Variants in IFT172 observed in about 807,000 individuals in gnomAD.
The protein encoded by IFT172 is intraflagellar transport protein 172 homolog.
In IFT172, 164 loss-of-function variants were observed where a neutral mutation model predicts 248.9. That is an observed-to-expected ratio of 0.66 (90% confidence interval 0.58 to 0.75). The LOEUF (loss-of-function observed/expected upper bound fraction) is 0.75. Among genes scored for constraint, IFT172 ranks in the 30% least tolerant of loss-of-function variants. The pLI, the probability that IFT172 is intolerant of heterozygous loss-of-function variation, is 0.00. For synonymous variants in IFT172, 729 were observed against 791.6 expected (o/e 0.92, Z 1.33); for missense variants, 1,950 against 2,192.4 (o/e 0.89, Z 2.21).
chr2:27,481,622 C>T (rs1668382311), intron 7 of IFT172, among the ~76,000 whole-genome samples: 2 of 151,742 alleles, frequency 1.3e-5, no homozygotes, highest in South Asian at 4.2e-4. Context: ...TCGCTGCAAC[C>T]TCCGCCTCCC....
Position 27,461,324 on chromosome 2 carries a change from G to T in IFT172, c.2387C>A (p.Thr796Lys). 6.2e-7 allele frequency: 1 copy of T among 1,614,168 alleles called. No individual in the cohort carries two copies. The highest frequency in any genetic ancestry group is 8.5e-7 in the Non-Finnish European group (1 of 1,180,024). ...TGCAGTGATGTGTTCTACCAGCTCT[G>T]TGTTGGCTAGCAGTTCCTCTCGGGT... is the stretch of plus-strand genomic sequence containing the variant. ...VLTREELLAN[T>K]ELVEHITAAL... The change falls in exon 22 of 48, where the codon ACA becomes AAA. Residue 796 changes from threonine (T) to lysine (K), a missense_variant. Coordinates refer to ENST00000260570, the MANE Select transcript of IFT172 (RefSeq NM_015662.3).
rs1195819333 is a variant in IFT172 at position 27,477,744 on chromosome 2, G to A, written c.1168-132C>T. On this transcript the variant is annotated intron_variant, in intron 11 of 47. Transcript: ENST00000260570. Reference sequence around the variant, plus strand: ...TTTGGCACTACACAAAAGAGGTGCTGTATCAGAATCTGCTCTGGTCCCTGA... The same window carrying A: ...TTTGGCACTACACAAAAGAGGTGCTATATCAGAATCTGCTCTGGTCCCTGA... 7.5e-6 allele frequency: 6 copies of A among 796,346 alleles called. No homozygotes were observed. In the East Asian group the frequency reaches 1.5e-4, roughly 20 times the overall value. The allele number at this position is 796,346 out of a possible 1,614,324, so 49.3% of individuals were successfully genotyped here. A position where few individuals can be genotyped will look rare whatever the true frequency, so the allele number is the denominator to read the frequency against.
In IFT172 at chr2:27,476,668, G is replaced by T; in HGVS notation, c.1384C>A (p.Leu462Ile). The T allele has an allele frequency of 6.2e-7, 1 of 1,605,938 alleles. No individual in the cohort carries two copies. The highest frequency in any genetic ancestry group is 8.5e-7 in the Non-Finnish European group (1 of 1,172,720). Reference sequence around the variant, plus strand: ...ATAGCAATAGTCTTAATATCAATAAGATAAGCCAATTTCTTATTATCTTCT... The same window carrying T: ...ATAGCAATAGTCTTAATATCAATAATATAAGCCAATTTCTTATTATCTTCT... The part of the protein sequence containing the change: ...GTEDNKKLAY[L>I]IDIKTIAIVD... The change falls in exon 14 of 48, where the codon CTT becomes ATT. Residue 462 changes from leucine (L) to isoleucine (I), a missense_variant. Physicochemically the swap from Leu to Ile is conservative, Grantham distance 5. Transcript: ENST00000260570.
At chr2:27,449,867 C>T in intron 36 of IFT172, 67 bp from the exon 37 acceptor site, 1 of 1,444,204 alleles carries the variant, frequency 6.9e-7, no homozygotes, top group Non-Finnish European at 9.6e-7. Flanking sequence ...TGAGCTCTCC[C>T]ATCTGTTTCC....
intron 16 of IFT172, among the ~76,000 whole-genome samples, chr2:27,467,613 CAAAAAAAA>C (rs758559563): frequency 1.9e-5 from 1 of 53,134 alleles, no homozygotes; most frequent in African/African-American, 7.8e-5. Context: ...ACCCTGTCTC[CAAAAAAAA>C]AAAAAAAAAA....
chr2:27,458,185 C>T lies in IFT172; in HGVS notation c.2916G>A (p.Val972=). ...TTTCCTGGGCCTGAGTGATGTATAGCACTGACACATCTTCTGGTCTCATGC... is the reference window on the plus strand; with the variant it reads ...TTTCCTGGGCCTGAGTGATGTATAGTACTGACACATCTTCTGGTCTCATGC... ...MKCMRPEDVS[V]LYITQAQEME... The change falls in exon 27 of 48, where the codon GTG becomes GTA. Residue 972 remains valine (V), a synonymous_variant. Transcript: ENST00000260570. 1 of 1,614,190 alleles carries T rather than the reference C, an allele frequency of 6.2e-7. No individual in the cohort carries two copies. The highest frequency in any genetic ancestry group is 8.5e-7 in the Non-Finnish European group (1 of 1,180,008).
chr2:27,445,181 G>T lies in IFT172; in HGVS notation c.5069-76C>A. ...GGAAAAATGAGGAGCAGCCTGGGGGGTAGAAAGCACAGTCCTGTCTTTTGT... is the reference window on the plus strand; with the variant it reads ...GGAAAAATGAGGAGCAGCCTGGGGGTTAGAAAGCACAGTCCTGTCTTTTGT... On this transcript the variant is annotated intron_variant, in intron 46 of 47. Coordinates refer to ENST00000260570, the MANE Select transcript of IFT172 (RefSeq NM_015662.3). This position sits in a 1 kb window ranked among gnomAD's most constrained non-coding sequence, Gnocchi z 4.4. The T allele has an allele frequency of 3.1e-6, 5 of 1,597,110 alleles. No homozygotes were observed. The highest frequency in any genetic ancestry group is 4.3e-6 in the Non-Finnish European group (5 of 1,169,574).
chr2:27,477,304 T>C lies in IFT172; in HGVS notation c.1238A>G (p.Asn413Ser), dbSNP rs962054597. 9.3e-6 allele frequency: 15 copies of C among 1,614,144 alleles called. No individual in the cohort carries two copies. Among genetic ancestry groups the C allele is most frequent in the East Asian group, 4.5e-5 (2 of 44,886 alleles). Residue 413 changes from asparagine to serine, a missense_variant, in exon 13 of 48, where the codon AAT becomes AGT. Transcript: ENST00000260570. ...FENENVCMIF[N>S]AGELTLVEYG... ...TTCCACCAGGGTTAGCTCTCCGGCATTGAAGATCATGCATACCTGGGAAAA... is the reference window on the plus strand; with the variant it reads ...TTCCACCAGGGTTAGCTCTCCGGCACTGAAGATCATGCATACCTGGGAAAA...
At position 27,465,857 on chromosome 2, in the gene IFT172, C is replaced by T. The variant is rs140967266; in HGVS notation, c.1718G>A (p.Gly573Asp). 15 of 1,613,996 alleles carry T rather than the reference C, an allele frequency of 9.3e-6. No individual in the cohort carries two copies. In the African/African-American group the frequency reaches 1.9e-4, roughly 20 times the overall value. ...CACCATCACCTCGGTCTTTCCCCCG[C>T]CCCGCTCCAGACCTATAACATCACC... is the stretch of plus-strand genomic sequence containing the variant. ...IRGDVIGLER[G>D]GGKTEVMVME... Residue 573 changes from glycine to aspartate, a missense_variant, in exon 17 of 48, where the codon GGC becomes GAC. Gly to Asp is a moderately conservative substitution (Grantham distance 94, BLOSUM62 -1). This residue lies in a region of IFT172 where 1,166 missense variants were observed against 1,254.1 expected (regional missense o/e 0.93). Transcript: ENST00000260570.
chr2:27,480,669 A>G (rs1668294154), intron 8 of IFT172, among the ~76,000 whole-genome samples: 1 of 152,198 alleles, frequency 6.6e-6, no homozygotes, highest in African/African-American at 2.4e-5. Context: ...CACTGAAAAG[A>G]TGAATAATAA....
rs1668210625 is a variant in IFT172 at position 27,479,590 on chromosome 2, A to C, written c.924T>G (p.Gly308=). The C allele has an allele frequency of 6.2e-7, 1 of 1,610,800 alleles. No homozygotes were observed. The highest frequency in any genetic ancestry group is 8.5e-7 in the Non-Finnish European group (1 of 1,177,026). The change falls in exon 10 of 48, where the codon GGT becomes GGG. Residue 308 remains glycine, a synonymous_variant. Transcript: ENST00000260570. ...GSRLCVGTLC[G]GVEQFDCCLR... ...GGCAGCAGTCAAACTGTTCCACCCC[A>C]CCACATAGTGTGCCCTAGAAGGGAA...
At chr2:27,478,817 T>TGGGCCCA (rs1191410353) in intron 10 of IFT172, among the ~76,000 whole-genome samples, 6 of 152,048 alleles carry the variant, frequency 3.9e-5, no homozygotes, top group African/African-American at 1.2e-4. Context: ...AAGAGAAAAG[T>TGGGCCCA]GGGCCCAGGA....
chr2:27,480,131 C>A lies in IFT172; in HGVS notation c.804G>T (p.Trp268Cys). 6.2e-7 allele frequency: 1 copy of A among 1,613,860 alleles called. No individual in the cohort carries two copies. The highest frequency in any genetic ancestry group is 8.5e-7 in the Non-Finnish European group (1 of 1,179,890). ...CTTCCCAGATGCTTCTTCGAGGGAT[C>A]CAGTTGAACACCCGAAGCCTGAAAT... is the stretch of plus-strand genomic sequence containing the variant. ...GSYDRLRVFN[W>C]IPRRSIWEEA... Residue 268 changes from tryptophan (W) to cysteine (C), a missense_variant, in exon 9 of 48, where the codon TGG becomes TGT. Physicochemically the swap from Trp to Cys is radical, Grantham distance 215. Around this residue, in one of 3 missense-constraint regions of IFT172, gnomAD observed 1,166 missense variants for 1,254.1 expected, o/e 0.93. Coordinates refer to ENST00000260570, the MANE Select transcript of IFT172 (RefSeq NM_015662.3).
intron 43 of IFT172, 125 bp downstream of exon 43, chr2:27,446,135 G>A (rs1323057424): frequency 1.5e-6 from 2 of 1,312,756 alleles, no homozygotes; most frequent in Non-Finnish European, 2.2e-6. Flanking sequence ...GAAGACATAG[G>A]AGGACTACAT....
chr2:27,465,377 T>A (rs1257720890), intron 18 of IFT172, 34 bp downstream of exon 18: 1 of 1,555,726 alleles, frequency 6.4e-7, no homozygotes, highest in Admixed American at 1.7e-5. Flanking sequence ...CCCTCCTAGC[T>A]GCGTGGCACC....
intron 16 of IFT172, among the ~76,000 whole-genome samples, chr2:27,466,667 C>T (rs377266569): frequency 6.6e-6 from 1 of 151,762 alleles, no homozygotes; most frequent in Non-Finnish European, 1.5e-5. Context: ...AAAAAGTAAA[C>T]AATAACTACA....
chr2:27,474,019 G>A (rs902600739), intron 14 of IFT172, among the ~76,000 whole-genome samples: 8 of 152,088 alleles, frequency 5.3e-5, no homozygotes, highest in African/African-American at 1.9e-4. Context: ...CGTTGGTCAG[G>A]CTGGTCTCGA....
chr2:27,473,417 T>C (rs1667729096), intron 14 of IFT172, among the ~76,000 whole-genome samples: 1 of 147,670 alleles, frequency 6.8e-6, no homozygotes, highest in Non-Finnish European at 1.5e-5. Context: ...ATTTTTTTTT[T>C]CTCCCGCCTC....
At chr2:27,480,548 T>C (rs997071557) in intron 8 of IFT172, among the ~76,000 whole-genome samples, 1 of 152,034 alleles carries the variant, frequency 6.6e-6, no homozygotes, top group African/African-American at 2.4e-5. Context: ...GCCAGAGAAA[T>C]GATGAGACCT....
Sources: allele counts gnomAD v4.1 joint callset (sites outside exome capture counted in the v4.1 genomes callset), GRCh38; gene constraint gnomAD v4.1.1; regional missense constraint gnomAD v4.1.1; non-coding constraint Gnocchi (gnomAD v3.1); transcripts MANE v1.5; gene names NCBI Gene and HGNC (gene_info 2026-07-23, HGNC 2026-07-21).